Variants in CSMD3 observed in about 807,000 individuals in gnomAD.
CSMD3 encodes the protein CUB and Sushi multiple domains 3, also known as CUB and sushi domain-containing protein 3.
CSMD3 carries 177 observed loss-of-function variants against 435.2 expected under a neutral mutation model. The ratio of observed to expected loss-of-function variants is 0.41; its 90% CI spans 0.36 to 0.46. CSMD3 has a LOEUF of 0.46. CSMD3 is among the 20% of genes least tolerant of loss of function. The pLI is 0.34. For missense variants in CSMD3, 4,265 were observed against 4,504.6 expected, an observed-to-expected ratio of 0.95 and a Z score of 1.52; for synonymous variants, 1,656 against 1,520.5, an observed-to-expected ratio of 1.09 and a Z score of -2.07.
chr8:112,343,441 A>G (rs185831639), intron 41 of CSMD3, among the ~76,000 whole-genome samples: 6 of 152,228 alleles, frequency 3.9e-5, no homozygotes, highest in African/African-American at 1.2e-4. Flanking sequence ...TCTAAATAGA[A>G]AGTCCCCAGC....
At chr8:113,268,410 T>C (rs879522936) in intron 3 of CSMD3, among the ~76,000 whole-genome samples, 1 of 151,892 alleles carries the variant, frequency 6.6e-6, no homozygotes, top group East Asian at 1.9e-4. Flanking sequence ...CTAAGTTCTG[T>C]GAAACAAACT....
intron 3 of CSMD3, among the ~76,000 whole-genome samples, chr8:113,177,751 G>T (rs2092367635): frequency 6.6e-6 from 1 of 151,882 alleles, no homozygotes; most frequent in African/African-American, 2.4e-5. Context: ...AAATTATTTA[G>T]TCTAATTAAA....
intron 6 of CSMD3, among the ~76,000 whole-genome samples, chr8:112,994,133 T>C (rs1290401803): frequency 5.3e-5 from 8 of 151,796 alleles, no homozygotes; most frequent in South Asian, 2.1e-4. Flanking sequence ...GTTGACTCAA[T>C]AGACCAATCA....
intron 5 of CSMD3, among the ~76,000 whole-genome samples, chr8:113,063,161 G>C (rs2088691912): frequency 6.7e-6 from 1 of 148,982 alleles, no homozygotes; most frequent in Non-Finnish European, 1.5e-5. Context: ...CATCCAGCTA[G>C]AAAAATAAAA....
intron 1 of CSMD3, among the ~76,000 whole-genome samples, chr8:113,343,676 G>A (rs1009212265): frequency 4.9e-4 from 74 of 152,210 alleles, no homozygotes; most frequent in African/African-American, 1.6e-3. Context: ...TCAACATTCT[G>A]ATTCCCAAAG....
chr8:113,019,239 CA>C (rs2131171923), intron 5 of CSMD3, 60 bp from the exon 6 acceptor site: 1 of 1,090,192 alleles, frequency 9.2e-7, no homozygotes, highest in African/African-American at 1.5e-5. Flanking sequence ...TAAACGTTTT[CA>C]CAAAATTGGG....
Position 112,346,140 on chromosome 8 carries a change from G to T in CSMD3, c.6399C>A (p.Ser2133Arg). The T allele has an allele frequency of 6.2e-7, 1 of 1,612,872 alleles. No homozygotes were observed. Among genetic ancestry groups the T allele is most frequent in the Non-Finnish European group, 8.5e-7 (1 of 1,178,944 alleles). ...TTATTGTCCATGTGCAATCTAAACT[G>T]CTGGGATAGTTTCCAGGAAACCCAG... The part of the protein sequence containing the change: ...LSPGFPGNYP[S>R]SLDCTWTINL... Residue 2133 changes from serine (S) to arginine (R), a missense_variant, in exon 41 of 71, where the codon AGC (serine) becomes AGA (arginine). Transcript: ENST00000297405.
intron 23 of CSMD3, among the ~76,000 whole-genome samples, chr8:112,578,495 G>A (rs1487086539): frequency 1.3e-5 from 2 of 151,798 alleles, no homozygotes; most frequent in African/African-American, 4.8e-5. Context: ...CTTTTGAAGG[G>A]AGAGTTAATA....
intron 6 of CSMD3, among the ~76,000 whole-genome samples, chr8:113,007,910 T>C (rs1020130807): frequency 2.0e-5 from 3 of 151,916 alleles, no homozygotes; most frequent in African/African-American, 7.2e-5. Flanking sequence ...ATTAGACTTA[T>C]GCTAGATAGT....
chr8:112,638,408 T>C (rs2074724693), intron 21 of CSMD3, among the ~76,000 whole-genome samples: 1 of 150,974 alleles, frequency 6.6e-6, no homozygotes, highest in African/African-American at 2.4e-5. Context: ...GTTTTGACCT[T>C]TGTTAGAATT....
intron 22 of CSMD3, among the ~76,000 whole-genome samples, chr8:112,612,238 G>T (rs1442061996): frequency 3.3e-5 from 5 of 152,096 alleles, no homozygotes; most frequent in African/African-American, 9.7e-5. Context: ...TATCAGCCAG[G>T]TATAACAGAT....
At chr8:112,314,814 A>C (rs1453040096) in intron 47 of CSMD3, among the ~76,000 whole-genome samples, 197 bp from the exon 48 acceptor site, 1 of 152,030 alleles carries the variant, frequency 6.6e-6, no homozygotes, top group Non-Finnish European at 1.5e-5. Flanking sequence ...TATAGTATTG[A>C]TTTATTTTTT....
intron 38 of CSMD3, among the ~76,000 whole-genome samples, chr8:112,379,684 T>A (rs1254183290): frequency 1.3e-5 from 2 of 152,166 alleles, no homozygotes; most frequent in Non-Finnish European, 2.9e-5. Flanking sequence ...AAGATGCATA[T>A]GGAACCACAA....
chr8:112,409,021 G>T lies in CSMD3; in HGVS notation c.5407C>A (p.Gln1803Lys), dbSNP rs1183688489. 6.2e-7 allele frequency: 1 copy of T among 1,613,090 alleles called. No homozygotes were observed. The highest frequency in any genetic ancestry group is 1.7e-5 in the Admixed American group (1 of 59,886). Residue 1803 changes from glutamine to lysine, a missense_variant, in exon 33 of 71, where the codon CAG becomes AAG. Coordinates refer to ENST00000297405, the MANE Select transcript of CSMD3 (RefSeq NM_198123.2). ...AVPKEFVVFG[Q>K]FVFFQTSLHD... Reference sequence around the variant, plus strand: ...AGTGATGTCTGGAAAAATACAAACTGGCCAAACACCACTGATCAACAGGAA... The same window carrying T: ...AGTGATGTCTGGAAAAATACAAACTTGCCAAACACCACTGATCAACAGGAA...
intron 38 of CSMD3, among the ~76,000 whole-genome samples, chr8:112,361,342 T>C (rs1199174750): frequency 2.0e-5 from 3 of 151,692 alleles, no homozygotes; most frequent in Admixed American, 6.6e-5. Context: ...CACACAGTTA[T>C]GTCTGTCTGC....
At chr8:112,916,322 A>G (rs554139064) in intron 10 of CSMD3, among the ~76,000 whole-genome samples, 1 of 151,940 alleles carries the variant, frequency 6.6e-6, no homozygotes, top group African/African-American at 2.4e-5. Context: ...TCTTCTACTA[A>G]GTTGTCTATA....
At chr8:113,222,639 T>C (rs2092982033) in intron 3 of CSMD3, among the ~76,000 whole-genome samples, 1 of 151,102 alleles carries the variant, frequency 6.6e-6, no homozygotes, top group Non-Finnish European at 1.5e-5. Flanking sequence ...AGACAAATTA[T>C]GTATTATAAA....
intron 16 of CSMD3, among the ~76,000 whole-genome samples, chr8:112,669,355 T>C (rs2075602590): frequency 6.6e-6 from 1 of 152,016 alleles, no homozygotes; most frequent in African/African-American, 2.4e-5. Flanking sequence ...ATTGCAAATA[T>C]TTTATCTGTA....
intron 4 of CSMD3, among the ~76,000 whole-genome samples, chr8:113,135,968 A>AT (rs2091408115): frequency 6.6e-6 from 1 of 151,876 alleles, no homozygotes; most frequent in Non-Finnish European, 1.5e-5. Flanking sequence ...ATCTAACAGT[A>AT]TTTTTAGTGT....
Sources: allele counts gnomAD v4.1 joint callset (sites outside exome capture counted in the v4.1 genomes callset), GRCh38; gene constraint gnomAD v4.1.1; transcripts MANE v1.5; gene names NCBI Gene and HGNC (gene_info 2026-07-23, HGNC 2026-07-21).